Variants in PLA2G4A observed in about 807,000 individuals in gnomAD.
The protein encoded by PLA2G4A is cytosolic phospholipase A2.
A neutral mutation model predicts 81.9 loss-of-function variants in PLA2G4A; 40 were observed. That is an observed-to-expected ratio of 0.49 (90% CI 0.38 to 0.64). The LOEUF is 0.64. Ranked by LOEUF, PLA2G4A falls within the 30% of genes least tolerant of loss-of-function variation. The probability of loss-of-function intolerance (pLI) is 0.00; values close to 1 mark genes in which losing one functional copy is unlikely to be tolerated. For missense variants in PLA2G4A, 715 were observed against 905.1 expected, an observed-to-expected ratio of 0.79 and a Z score of 2.69; for synonymous variants, 302 against 296.9, an observed-to-expected ratio of 1.02 and a Z score of -0.18.
intron 10 of PLA2G4A, among the ~76,000 whole-genome samples, chr1:186,941,577 T>C (rs1225190771): frequency 6.6e-6 from 1 of 152,194 alleles, no homozygotes; most frequent in Non-Finnish European, 1.5e-5. Context: ...ATTTGCACAT[T>C]GCTGCTTAGA....
chr1:186,905,490 C>T (rs1330794715), intron 5 of PLA2G4A, among the ~76,000 whole-genome samples: 1 of 152,026 alleles, frequency 6.6e-6, no homozygotes, highest in African/African-American at 2.4e-5. Flanking sequence ...ACGTTACATT[C>T]ATCTGAGCAT....
chr1:186,866,134 G>A (rs964137000), intron 2 of PLA2G4A, among the ~76,000 whole-genome samples: 2 of 152,074 alleles, frequency 1.3e-5, no homozygotes, highest in Admixed American at 6.6e-5. Context: ...GGCACTATCC[G>A]TGAGATATAA....
chr1:186,854,183 C>T (rs1435108057), intron 1 of PLA2G4A, 103 bp from the exon 2 acceptor site: 1 of 585,964 alleles, frequency 1.7e-6, no homozygotes, highest in Non-Finnish European at 3.0e-6. Flanking sequence ...TATCTAGTGT[C>T]CTTGGGTAGA....
intron 14 of PLA2G4A, among the ~76,000 whole-genome samples, chr1:186,957,717 G>T (rs987891842): frequency 1.3e-5 from 2 of 152,182 alleles, no homozygotes; most frequent in Non-Finnish European, 2.9e-5. Context: ...TCACTTTCAG[G>T]TTTGTCACTT....
At chr1:186,871,724 T>C (rs1362229660) in intron 3 of PLA2G4A, among the ~76,000 whole-genome samples, 4 of 152,124 alleles carry the variant, frequency 2.6e-5, no homozygotes, top group Non-Finnish European at 2.9e-5. Context: ...GACTTAGGAC[T>C]GAGATTTTTT....
intron 2 of PLA2G4A, among the ~76,000 whole-genome samples, chr1:186,857,937 C>CT (rs1438309458): frequency 3.9e-5 from 6 of 152,078 alleles, no homozygotes; most frequent in African/African-American, 1.4e-4. Flanking sequence ...TGAACTCATC[C>CT]TTTTTTGTGG....
intron 15 of PLA2G4A, among the ~76,000 whole-genome samples, chr1:186,974,519 C>T (rs536332018): frequency 3.9e-5 from 6 of 152,266 alleles, no homozygotes; most frequent in African/African-American, 1.4e-4. Context: ...TGAGCACAGA[C>T]ATCTTACGAA....
chr1:186,971,351 G>A (rs1233685771), intron 15 of PLA2G4A, among the ~76,000 whole-genome samples: 1 of 151,864 alleles, frequency 6.6e-6, no homozygotes, highest in Non-Finnish European at 1.5e-5. Context: ...TCCTTCTGTA[G>A]TACATATAGG....
intron 1 of PLA2G4A, among the ~76,000 whole-genome samples, chr1:186,847,286 T>C (rs1279289838): frequency 6.6e-6 from 1 of 152,086 alleles, no homozygotes; most frequent in Non-Finnish European, 1.5e-5. Flanking sequence ...GGTTCAATTA[T>C]GATCTGGTGT....
intron 2 of PLA2G4A, among the ~76,000 whole-genome samples, chr1:186,862,307 C>G (rs12720503): frequency 1.4e-5 from 2 of 147,872 alleles, no homozygotes; most frequent in Non-Finnish European, 3.0e-5. Context: ...CTCTGCCTCC[C>G]GGGTTCAAGC....
chr1:186,860,380 C>T (rs1461602244), intron 2 of PLA2G4A, among the ~76,000 whole-genome samples: 1 of 151,492 alleles, frequency 6.6e-6, no homozygotes, highest in African/African-American at 2.4e-5. Flanking sequence ...GAGCTGATAA[C>T]GTAAATCCCA....
chr1:186,897,635 A>G (rs1028460919), intron 5 of PLA2G4A, among the ~76,000 whole-genome samples: 1 of 151,916 alleles, frequency 6.6e-6, no homozygotes, highest in Non-Finnish European at 1.5e-5. Flanking sequence ...CAGCCTCCCA[A>G]GTAGCTGAGA....
chr1:186,961,837 C>A (rs1445195869), intron 14 of PLA2G4A, among the ~76,000 whole-genome samples: 1 of 152,084 alleles, frequency 6.6e-6, no homozygotes, highest in African/African-American at 2.4e-5. Context: ...GAGTAATCTT[C>A]CTCCCTTATT....
intron 7 of PLA2G4A, among the ~76,000 whole-genome samples, chr1:186,912,352 G>A (rs957551960): frequency 6.6e-6 from 1 of 152,034 alleles, no homozygotes; most frequent in Non-Finnish European, 1.5e-5. Flanking sequence ...GCTCACTGTT[G>A]GTGGTCTACA....
Position 186,894,686 on chromosome 1 carries a change from C to T in PLA2G4A, c.378+475C>T, listed in dbSNP as rs190127796. ...GGGAATATTTCTGTCTCAGAGAATCCTCAAGTAAATAGGGACAAAGCAGTG... is the reference window on the plus strand; with the variant it reads ...GGGAATATTTCTGTCTCAGAGAATCTTCAAGTAAATAGGGACAAAGCAGTG... On this transcript the variant is annotated intron_variant, in intron 5 of 17. Transcript: ENST00000367466. Among the ~76,000 whole-genome samples the T allele has an allele frequency of 1.7e-3, 265 of 152,178 alleles. 1 individual carries two copies. Among genetic ancestry groups the T allele is most frequent in the Non-Finnish European group, 2.8e-3 (191 of 68,002 alleles).
intron 8 of PLA2G4A, among the ~76,000 whole-genome samples, chr1:186,938,646 A>G (rs1656038935): frequency 6.6e-6 from 1 of 152,146 alleles, no homozygotes; most frequent in Non-Finnish European, 1.5e-5. Flanking sequence ...GGAGCCAGAC[A>G]AGTCAATTCA....
At chr1:186,834,631 G>C (rs1321930876) in intron 1 of PLA2G4A, among the ~76,000 whole-genome samples, 3 of 152,060 alleles carry the variant, frequency 2.0e-5, no homozygotes, top group Non-Finnish European at 2.9e-5. Context: ...GGGAGGTTGT[G>C]CAATTTTGGA....
chr1:186,933,032 G>A (rs1571414905), intron 8 of PLA2G4A, 133 bp downstream of exon 8: 2 of 698,820 alleles, frequency 2.9e-6, no homozygotes, highest in South Asian at 1.8e-5. Flanking sequence ...CCAGTTTGAT[G>A]CCACAATCTG....
chr1:186,914,925 G>A (rs1281651763), intron 7 of PLA2G4A, among the ~76,000 whole-genome samples: 2 of 152,162 alleles, frequency 1.3e-5, no homozygotes, highest in Non-Finnish European at 2.9e-5. Context: ...GATCAATAGT[G>A]ATTCATATAG....
Sources: gnomAD v4.1 joint callset for allele counts (sites outside exome capture counted in the v4.1 genomes callset) on GRCh38, gnomAD v4.1.1 for gene constraint, MANE v1.5 for transcripts, NCBI Gene and HGNC (gene_info 2026-07-23, HGNC 2026-07-21) for gene names.